The following LRFN2 variants were observed in gnomAD, a reference collection of about 807,000 sequenced individuals.
LRFN2 encodes the protein leucine-rich repeat and fibronectin type-III domain-containing protein 2.
In LRFN2, 18 loss-of-function variants were observed where a neutral mutation model predicts 37.3. The ratio of observed to expected loss-of-function variants is 0.48; its 90% CI spans 0.33 to 0.72. The LOEUF is 0.72. Ranked by LOEUF, LRFN2 falls within the 30% of genes least tolerant of loss-of-function variation. The probability of loss-of-function intolerance (pLI) is 0.02; values close to 1 mark genes in which losing one functional copy is unlikely to be tolerated. For synonymous variants in LRFN2, 556 were observed against 466.6 expected (o/e 1.19, Z -2.47); for missense variants, 1,006 against 1,060.7 (o/e 0.95, Z 0.72).
At chr6:40,440,283 A>G (rs1763801110) in intron 1 of LRFN2, among the ~76,000 whole-genome samples, 1 of 152,198 alleles carries the variant, frequency 6.6e-6, no homozygotes, top group African/African-American at 2.4e-5. Context: ...CAATGACAGC[A>G]TTATGCCTCC....
intron 1 of LRFN2, among the ~76,000 whole-genome samples, chr6:40,460,132 T>G (rs1270828304): frequency 6.6e-6 from 1 of 152,220 alleles, no homozygotes; most frequent in Admixed American, 6.5e-5. Flanking sequence ...TGGACTCTTG[T>G]GGAGTCTCCT....
At chr6:40,402,329 C>A (rs1185073747) in intron 2 of LRFN2, among the ~76,000 whole-genome samples, 3 of 152,154 alleles carry the variant, frequency 2.0e-5, no homozygotes, top group African/African-American at 7.2e-5. Flanking sequence ...GTGGCTGAGC[C>A]AGGTCTGCCA....
At chr6:40,483,939 C>A (rs1467077856) in intron 1 of LRFN2, among the ~76,000 whole-genome samples, 2 of 152,210 alleles carry the variant, frequency 1.3e-5, no homozygotes, top group African/African-American at 4.8e-5. Context: ...TGTCAGCATT[C>A]CTGGCTCAGA....
At chr6:40,459,822 T>C (rs1252863354) in intron 1 of LRFN2, among the ~76,000 whole-genome samples, 2 of 152,204 alleles carry the variant, frequency 1.3e-5, no homozygotes, top group African/African-American at 2.4e-5. Flanking sequence ...TCTTTGTCTC[T>C]GGCTAGGGGC....
intron 2 of LRFN2, among the ~76,000 whole-genome samples, chr6:40,394,525 T>C (rs967585026): frequency 3.9e-5 from 6 of 152,194 alleles, no homozygotes; most frequent in African/African-American, 9.7e-5. Context: ...GGACTGGAAC[T>C]GACAGACAGA....
chr6:40,392,272 C>A lies in LRFN2; in HGVS notation c.2041G>T (p.Gly681Trp). 6.3e-7 allele frequency: 1 copy of A among 1,599,858 alleles called. No individual in the cohort carries two copies. Among genetic ancestry groups the A allele is most frequent in the East Asian group, 2.2e-5 (1 of 44,622 alleles). ...EELLDSRTPAGRGAGTSARGH... is the reference protein window; with the variant it reads ...EELLDSRTPAWRGAGTSARGH... The stretch of plus-strand genomic sequence containing the variant: ...CGGGCCGACGTCCCAGCCCCTCTCC[C>A]GGCTGGAGTCCTGGAGTCCAGCAGC... Residue 681 changes from glycine (G) to tryptophan (W), a missense_variant, in exon 3 of 3, where the codon GGG becomes TGG. Gly to Trp is a radical substitution (Grantham distance 184, BLOSUM62 -2). Coordinates refer to ENST00000338305, the MANE Select transcript of LRFN2 (RefSeq NM_020737.3). This position sits in a 1 kb window ranked among gnomAD's most constrained non-coding sequence, Gnocchi z 4.7.
At chr6:40,528,425 C>T (rs2113907518) in intron 1 of LRFN2, among the ~76,000 whole-genome samples, 1 of 152,316 alleles carries the variant, frequency 6.6e-6, no homozygotes, top group African/African-American at 2.4e-5. Flanking sequence ...AACCAGCTGA[C>T]CCTAAAGCCC....
At position 40,392,942 on chromosome 6, in the gene LRFN2, G is replaced by C. The variant is rs751021862; in HGVS notation, c.1401-30C>G. On this transcript the variant is annotated intron_variant, in intron 2 of 2. Transcript: ENST00000338305. The surrounding 1 kb of genome is among the most constrained non-coding windows in gnomAD (Gnocchi z 4.7). ...GGAGGGAGGTGGACAGAAATAGTGA[G>C]GGGTGGTGGGGTGGAAGGACAGGGT... 6.3e-7 allele frequency: 1 copy of C among 1,575,312 alleles called. No individual in the cohort carries two copies. Among genetic ancestry groups the C allele is most frequent in the East Asian group, 2.2e-5 (1 of 44,550 alleles).
intron 1 of LRFN2, among the ~76,000 whole-genome samples, chr6:40,457,637 T>A (rs371633548): frequency 0.01 from 1,020 of 101,390 alleles, 17 homozygotes; most frequent in African/African-American, 0.035. Context: ...AGACCCTGTT[T>A]AAAAAAAAAA....
At chr6:40,527,768 A>T (rs1452332554) in intron 1 of LRFN2, among the ~76,000 whole-genome samples, 1 of 152,240 alleles carries the variant, frequency 6.6e-6, no homozygotes, top group African/African-American at 2.4e-5. Flanking sequence ...TTTTTAAAAT[A>T]ATTAAAGCAA....
chr6:40,557,553 C>T (rs1021028188), intron 1 of LRFN2, among the ~76,000 whole-genome samples: 28 of 152,114 alleles, frequency 1.8e-4, no homozygotes, highest in South Asian at 4.1e-4. Context: ...CAGGCCTTGA[C>T]CCTGAAGGCC....
intron 1 of LRFN2, among the ~76,000 whole-genome samples, chr6:40,503,693 C>A (rs892452024): frequency 6.6e-6 from 1 of 152,106 alleles, no homozygotes; most frequent in Non-Finnish European, 1.5e-5. Flanking sequence ...GAGCACTGGG[C>A]CTTGTGGAGC....
At chr6:40,577,280 T>A (rs1387600627) in intron 1 of LRFN2, among the ~76,000 whole-genome samples, 3 of 151,854 alleles carry the variant, frequency 2.0e-5, no homozygotes, top group African/African-American at 7.3e-5. Context: ...TTTTCGTATT[T>A]TAGTAGAGAC....
At chr6:40,527,549 T>C (rs1314991254) in intron 1 of LRFN2, among the ~76,000 whole-genome samples, 1 of 152,202 alleles carries the variant, frequency 6.6e-6, no homozygotes, top group Non-Finnish European at 1.5e-5. Context: ...GGAAGAGACC[T>C]GGAGCCACTG....
chr6:40,512,931 A>G (rs1242675975), intron 1 of LRFN2, among the ~76,000 whole-genome samples: 1 of 152,190 alleles, frequency 6.6e-6, no homozygotes, highest in African/African-American at 2.4e-5. Flanking sequence ...TTAGGGGCCT[A>G]CAAAATTCAG....
chr6:40,587,156 CAAG>C lies in LRFN2; in HGVS notation c.-237_-235del, dbSNP rs1266843638. On this transcript the variant is annotated 5_prime_UTR_variant, in exon 1 of 3. Transcript: ENST00000338305. The surrounding 1 kb of genome is among the most constrained non-coding windows in gnomAD (Gnocchi z 4.2). ...ATTCAGTTATATCCATGGCATTTAGCAAGAAGAAGGGGGGAAAAGCACAACTTG... is the reference window on the plus strand; with the variant it reads ...ATTCAGTTATATCCATGGCATTTAGCAAGAAGGGGGGAAAAGCACAACTTG... 3 of 152,200 alleles carry C rather than the reference CAAG, an allele frequency of 2.0e-5. No individual in the cohort carries two copies. Among genetic ancestry groups the C allele is most frequent in the Non-Finnish European group, 2.9e-5 (2 of 68,054 alleles). The allele number at this position is 152,200 out of a possible 1,614,324, so 9.4% of individuals were successfully genotyped here.
chr6:40,576,172 C>T (rs1167084540), intron 1 of LRFN2, among the ~76,000 whole-genome samples: 4 of 152,118 alleles, frequency 2.6e-5, no homozygotes, highest in Non-Finnish European at 5.9e-5. Context: ...GCAGGTAGAG[C>T]TTTAAAATGT....
intron 2 of LRFN2, among the ~76,000 whole-genome samples, chr6:40,420,156 TTTTGTAAAGAGTTAACGAGCTCGTTCA>T (rs1424705643): frequency 1.3e-5 from 2 of 152,208 alleles, no homozygotes; most frequent in African/African-American, 2.4e-5. Flanking sequence ...AATAGCTCTC[TTTTGTAAAGAGTTAACGAGCTCGTTCA>T]TCCACAGTGC....
intron 1 of LRFN2, among the ~76,000 whole-genome samples, chr6:40,586,220 C>T (rs57283368): frequency 0.042 from 6,359 of 152,276 alleles, 203 homozygotes; most frequent in African/African-American, 0.084. Flanking sequence ...GCTCTCCCTC[C>T]TCCCTGCCCA....
Sources: allele counts gnomAD v4.1 joint callset (sites outside exome capture counted in the v4.1 genomes callset), GRCh38; gene constraint gnomAD v4.1.1; non-coding constraint Gnocchi (gnomAD v3.1); transcripts MANE v1.5; gene names NCBI Gene and HGNC (gene_info 2026-07-23, HGNC 2026-07-21).